DCC: variants seen among roughly 807,000 people sequenced by gnomAD.
DCC encodes DCC netrin 1 receptor, also known as netrin receptor DCC.
A neutral mutation model predicts 172.5 loss-of-function variants in DCC; 58 were observed. That is an observed-to-expected ratio of 0.34 (90% CI 0.27 to 0.42). The LOEUF is 0.42. Among genes scored for constraint, DCC ranks in the 10% least tolerant of loss-of-function variants. The pLI is 1.00. For missense variants in DCC, 1,740 were observed against 1,791.0 expected, an observed-to-expected ratio of 0.97 and a Z score of 0.51; for synonymous variants, 709 against 644.5, an observed-to-expected ratio of 1.10 and a Z score of -1.52.
chr18:52,776,801 A>G (rs2037443204), intron 2 of DCC, among the ~76,000 whole-genome samples: 2 of 152,236 alleles, frequency 1.3e-5, no homozygotes, highest in Non-Finnish European at 2.9e-5. Context: ...TTACTTTGAG[A>G]AAAGTTTTCT....
chr18:52,904,208 C>A (rs772156359), intron 2 of DCC, among the ~76,000 whole-genome samples: 10 of 152,152 alleles, frequency 6.6e-5, no homozygotes, highest in Non-Finnish European at 1.0e-4. Flanking sequence ...CATGGTATAG[C>A]ATTAATCTTT....
chr18:52,774,784 ATGAG>A lies in DCC; in HGVS notation c.412+22413_412+22416del, dbSNP rs533613837. 1.8e-3 allele frequency among the ~76,000 whole-genome samples: 274 copies of A among 152,110 alleles called. 1 individual carries two copies. Among genetic ancestry groups the A allele is most frequent in the African/African-American group, 6.2e-3 (256 of 41,508 alleles). ...GGTTAAGGAGAGGTGCCCCTGAACC[ATGAG>A]TGTCTGCGGCTGTCGAGGTGAAGGC... On this transcript the variant is annotated intron_variant, in intron 2 of 28. Coordinates refer to ENST00000442544, the MANE Select transcript of DCC (RefSeq NM_005215.4).
chr18:52,477,035 A>G (rs1420514254), intron 1 of DCC, among the ~76,000 whole-genome samples: 1 of 152,034 alleles, frequency 6.6e-6, no homozygotes. Flanking sequence ...GGCCTCAAAA[A>G]CCAGAACCAG....
At chr18:53,498,653 G>A (rs778332900) in intron 26 of DCC, among the ~76,000 whole-genome samples, 8 of 151,192 alleles carry the variant, frequency 5.3e-5, no homozygotes, top group Non-Finnish European at 8.8e-5. Flanking sequence ...TTCAACTACC[G>A]TAATCTGCCT....
rs552859612 is a variant in DCC at position 53,061,001 on chromosome 18, T to G, written c.986-2304T>G. On this transcript the variant is annotated intron_variant, in intron 5 of 28. Transcript: ENST00000442544. ...ACAGACATACCACATTTATGTATTT[T>G]AGTATAGTTACATACAATAATTATG... 3.3e-5 allele frequency among the ~76,000 whole-genome samples: 5 copies of G among 152,308 alleles called. No individual in the cohort carries two copies. In the South Asian group the frequency reaches 1.0e-3, roughly 32 times the overall value.
intron 2 of DCC, among the ~76,000 whole-genome samples, chr18:52,822,795 T>G (rs968678868): frequency 1.3e-5 from 2 of 152,234 alleles, no homozygotes; most frequent in African/African-American, 4.8e-5. Context: ...TTTCCTTAAG[T>G]TGTTTTCTTC....
At chr18:52,550,500 T>C (rs2032739787) in intron 1 of DCC, among the ~76,000 whole-genome samples, 1 of 152,198 alleles carries the variant, frequency 6.6e-6, no homozygotes. Context: ...TCTAAGCCTA[T>C]GGGCTTTGAT....
chr18:52,620,520 G>A (rs900313793), intron 1 of DCC, among the ~76,000 whole-genome samples: 4 of 152,162 alleles, frequency 2.6e-5, no homozygotes, highest in Non-Finnish European at 5.9e-5. Context: ...GTATATAGAA[G>A]AGAACTGGCA....
At chr18:53,127,175 T>C (rs778252743) in intron 7 of DCC, among the ~76,000 whole-genome samples, 1 of 151,496 alleles carries the variant, frequency 6.6e-6, no homozygotes, top group Non-Finnish European at 1.5e-5. Flanking sequence ...TTTTCATTTT[T>C]AATTTTTTTT....
chr18:53,311,242 C>T (rs990321564), intron 13 of DCC, among the ~76,000 whole-genome samples: 3 of 152,252 alleles, frequency 2.0e-5, no homozygotes, highest in Admixed American at 1.3e-4. Context: ...CTGCCTCAGC[C>T]TCACCAGTAG....
At chr18:53,253,828 A>G (rs962541063) in intron 12 of DCC, among the ~76,000 whole-genome samples, 5 of 152,058 alleles carry the variant, frequency 3.3e-5, no homozygotes, top group Non-Finnish European at 5.9e-5. Context: ...TTACCTTAGT[A>G]TAAGAAATCA....
intron 12 of DCC, among the ~76,000 whole-genome samples, chr18:53,221,400 A>G (rs1376363067): frequency 1.3e-5 from 2 of 152,128 alleles, no homozygotes; most frequent in Non-Finnish European, 2.9e-5. Flanking sequence ...CATTTTATCA[A>G]TGAGAAAATA....
intron 2 of DCC, among the ~76,000 whole-genome samples, chr18:52,821,160 G>T (rs2038399196): frequency 6.6e-6 from 1 of 152,034 alleles, no homozygotes; most frequent in Non-Finnish European, 1.5e-5. Flanking sequence ...TCAGAAAAAA[G>T]AATGCTGTCA....
At chr18:52,779,161 C>CTT (rs201972311) in intron 2 of DCC, among the ~76,000 whole-genome samples, 9 of 151,480 alleles carry the variant, frequency 5.9e-5, no homozygotes, top group African/African-American at 9.7e-5. Flanking sequence ...ATCCATAAAT[C>CTT]TTTTTTTTTA....
chr18:52,966,302 T>C (rs1462867096), intron 5 of DCC, among the ~76,000 whole-genome samples: 4 of 152,190 alleles, frequency 2.6e-5, no homozygotes, highest in African/African-American at 4.8e-5. Context: ...GGAGAGTACT[T>C]ATTTATTTAT....
intron 8 of DCC, among the ~76,000 whole-genome samples, chr18:53,166,296 T>C (rs2054920837): frequency 6.6e-6 from 1 of 152,138 alleles, no homozygotes; most frequent in South Asian, 2.1e-4. Flanking sequence ...TTCAGACAAG[T>C]TGTGCTTGAC....
At chr18:52,721,234 C>G (rs2036469180) in intron 1 of DCC, among the ~76,000 whole-genome samples, 1 of 152,180 alleles carries the variant, frequency 6.6e-6, no homozygotes, top group East Asian at 1.9e-4. Flanking sequence ...GAAATTATTT[C>G]CAATGGATTC....
intron 1 of DCC, among the ~76,000 whole-genome samples, chr18:52,528,906 T>C (rs747979076): frequency 2.2e-4 from 33 of 152,152 alleles, no homozygotes; most frequent in Non-Finnish European, 3.7e-4. Flanking sequence ...CATATAGATT[T>C]GCTACACTTG....
At chr18:52,775,537 A>C (rs2037414574) in intron 2 of DCC, among the ~76,000 whole-genome samples, 1 of 152,224 alleles carries the variant, frequency 6.6e-6, no homozygotes. Context: ...TGGGGGAGCC[A>C]GAAGGGAGAT....
Sources: allele counts gnomAD v4.1 joint callset (sites outside exome capture counted in the v4.1 genomes callset), GRCh38; gene constraint gnomAD v4.1.1; transcripts MANE v1.5; gene names NCBI Gene and HGNC (gene_info 2026-07-23, HGNC 2026-07-21).